Variants in FNDC3B observed in about 807,000 individuals in gnomAD.
The protein encoded by FNDC3B is fibronectin type III domain-containing protein 3B.
FNDC3B carries 12 observed loss-of-function variants against 151.5 expected under a neutral mutation model. That is an observed-to-expected ratio of 0.08 (90% CI 0.05 to 0.13). The LOEUF (loss-of-function observed/expected upper bound fraction) is 0.13. Among genes scored for constraint, FNDC3B ranks in the 10% least tolerant of loss-of-function variants. The pLI, the probability that FNDC3B is intolerant of heterozygous loss-of-function variation, is 1.00. For missense variants in FNDC3B, 1,214 were observed against 1,505.3 expected (o/e 0.81, Z 3.20); for synonymous variants, 528 against 549.0 (o/e 0.96, Z 0.54).
intron 3 of FNDC3B, among the ~76,000 whole-genome samples, chr3:172,179,315 G>A (rs1576768499): frequency 6.6e-6 from 1 of 152,268 alleles, no homozygotes; most frequent in East Asian, 1.9e-4. Flanking sequence ...GCCCGCCTTG[G>A]CCTCCCAAAG....
chr3:172,345,080 AGT>A, intron 19 of FNDC3B, among the ~76,000 whole-genome samples: 1 of 152,366 alleles, frequency 6.6e-6, no homozygotes, highest in South Asian at 2.1e-4. Flanking sequence ...CCCAACTTGC[AGT>A]GACTTTTTGT....
chr3:172,281,681 A>G (rs1729732629), intron 6 of FNDC3B, among the ~76,000 whole-genome samples: 1 of 152,202 alleles, frequency 6.6e-6, no homozygotes, highest in African/African-American at 2.4e-5. Flanking sequence ...AGAACCTTGC[A>G]TTTGTGCACT....
chr3:172,050,733 G>GTGTGTGTGTGTGTATA lies in FNDC3B; in HGVS notation c.-29+10963_-29+10964insGTGTGTGTGTGTATAT, dbSNP rs397991660. Among the ~76,000 whole-genome samples, 529 of 137,888 alleles carry GTGTGTGTGTGTGTATA rather than the reference G, an allele frequency of 3.8e-3. 4 individuals carry two copies. The highest frequency in any genetic ancestry group is 0.011 in the African/African-American group (432 of 38,344). 90.5% of individuals were successfully genotyped at this position (137,888 alleles called of 152,430 possible). On this transcript the variant is annotated intron_variant, in intron 1 of 25. Transcript: ENST00000415807. ...TGTGTGTGTGTGTGTGTGTGTGTGT[G>GTGTGTGTGTGTGTATA]TATAGTGTGTATATATACTATATAT...
At chr3:172,235,100 C>CTCAGTTTTGAAAAAGACCAGTTTTGA (rs1560031647) in intron 4 of FNDC3B, among the ~76,000 whole-genome samples, 1 of 151,878 alleles carries the variant, frequency 6.6e-6, no homozygotes, top group African/African-American at 2.4e-5. Flanking sequence ...CAAAACTGGT[C>CTCAGTTTTGAAAAAGACCAGTTTTGA]AAATTTTTTT....
chr3:172,283,443 G>C (rs887450222), intron 6 of FNDC3B, among the ~76,000 whole-genome samples: 4 of 152,180 alleles, frequency 2.6e-5, no homozygotes, highest in African/African-American at 9.6e-5. Context: ...TTTATTTGCA[G>C]ATCCCTTTAA....
At chr3:172,375,137 G>A (rs981509181) in intron 23 of FNDC3B, among the ~76,000 whole-genome samples, 4 of 152,006 alleles carry the variant, frequency 2.6e-5, no homozygotes, top group African/African-American at 9.7e-5. Flanking sequence ...AAGTGAGGAA[G>A]GTGTCAGCTT....
intron 6 of FNDC3B, among the ~76,000 whole-genome samples, chr3:172,270,034 T>C (rs567482333): frequency 2.0e-5 from 3 of 152,374 alleles, no homozygotes; most frequent in Admixed American, 6.5e-5. Context: ...TAATACTGTA[T>C]ACAAAAAGTT....
chr3:172,077,149 G>T (rs1718051150), intron 1 of FNDC3B, among the ~76,000 whole-genome samples: 2 of 151,302 alleles, frequency 1.3e-5, no homozygotes, highest in African/African-American at 2.4e-5. Context: ...GGAATAAATT[G>T]GTTAAAAAAA....
intron 1 of FNDC3B, among the ~76,000 whole-genome samples, chr3:172,043,962 C>A (rs1716230841): frequency 6.6e-6 from 1 of 152,208 alleles, no homozygotes; most frequent in Non-Finnish European, 1.5e-5. Context: ...GTTCATTGGA[C>A]AGTTCTTTTC....
chr3:172,223,965 C>G (rs948042553), intron 3 of FNDC3B, among the ~76,000 whole-genome samples: 6 of 152,340 alleles, frequency 3.9e-5, no homozygotes, highest in African/African-American at 1.4e-4. Flanking sequence ...TTGTTATTCT[C>G]ACTTATGACT....
intron 2 of FNDC3B, among the ~76,000 whole-genome samples, chr3:172,131,590 G>T (rs571498188): frequency 2.6e-4 from 39 of 152,252 alleles, no homozygotes; most frequent in African/African-American, 9.1e-4. Flanking sequence ...ATAATGAGAA[G>T]CACCAAGGGT....
At chr3:172,179,858 CAAAAAAAAAA>C (rs60259015) in intron 3 of FNDC3B, among the ~76,000 whole-genome samples, 13,333 of 97,762 alleles carry the variant, frequency 0.14, 847 homozygotes, top group Non-Finnish European at 0.15. Flanking sequence ...GCCCTGTCTC[CAAAAAAAAAA>C]AAAAAAAAAA....
At chr3:172,047,647 A>T (rs1716428474) in intron 1 of FNDC3B, among the ~76,000 whole-genome samples, 1 of 152,180 alleles carries the variant, frequency 6.6e-6, no homozygotes, top group South Asian at 2.1e-4. Flanking sequence ...ATAAATATTG[A>T]TTGACTCAAT....
At chr3:172,154,030 T>G (rs924720842) in intron 3 of FNDC3B, among the ~76,000 whole-genome samples, 1 of 152,206 alleles carries the variant, frequency 6.6e-6, no homozygotes, top group Non-Finnish European at 1.5e-5. Flanking sequence ...TTCAGTGCTG[T>G]CAGCTTCCCG....
intron 4 of FNDC3B, among the ~76,000 whole-genome samples, chr3:172,227,506 G>A (rs1291408838): frequency 6.6e-6 from 1 of 152,178 alleles, no homozygotes; most frequent in Non-Finnish European, 1.5e-5. Flanking sequence ...AGATCTGTGG[G>A]AAGGGTAGAA....
chr3:172,184,062 GATAAGTAATTTATA>G (rs1724052014), intron 3 of FNDC3B, among the ~76,000 whole-genome samples: 3 of 152,174 alleles, frequency 2.0e-5, no homozygotes, highest in African/African-American at 7.2e-5. Context: ...AGTGAATAAA[GATAAGTAATTTATA>G]AAGTAAATAC....
chr3:172,332,545 A>G (rs191105513), intron 13 of FNDC3B, among the ~76,000 whole-genome samples: 1 of 152,340 alleles, frequency 6.6e-6, no homozygotes, highest in African/African-American at 2.4e-5. Context: ...CCCAACACAG[A>G]GAAGGTACTA....
At chr3:172,131,000 T>C (rs1350533363) in intron 2 of FNDC3B, among the ~76,000 whole-genome samples, 2 of 152,216 alleles carry the variant, frequency 1.3e-5, no homozygotes, top group Non-Finnish European at 2.9e-5. Flanking sequence ...ATTGTCTGTA[T>C]TGAAGTGTGA....
intron 3 of FNDC3B, among the ~76,000 whole-genome samples, chr3:172,186,157 C>T (rs1724167641): frequency 6.6e-6 from 1 of 152,178 alleles, no homozygotes; most frequent in Admixed American, 6.5e-5. Context: ...ACATCACTCC[C>T]TTCTTCCATC....
Sources: allele counts gnomAD v4.1 joint callset (sites outside exome capture counted in the v4.1 genomes callset), GRCh38; gene constraint gnomAD v4.1.1; transcripts MANE v1.5; gene names NCBI Gene and HGNC (gene_info 2026-07-23, HGNC 2026-07-21).